POU6F2: variants seen among roughly 807,000 people sequenced by gnomAD.
POU6F2 encodes POU class 6 homeobox 2, also known as POU domain, class 6, transcription factor 2.
Under a neutral mutation model 71.3 loss-of-function variants are expected in POU6F2, and 31 were observed. The observed-to-expected ratio is 0.43, with a 90% CI of 0.33 to 0.59. The LOEUF (loss-of-function observed/expected upper bound fraction) is 0.59, where lower values mean the gene tolerates loss of function less well. POU6F2 is among the 20% of genes least tolerant of loss of function. The pLI, the probability that POU6F2 is intolerant of heterozygous loss-of-function variation, is 0.04. For missense variants in POU6F2, 783 were observed against 856.8 expected, an observed-to-expected ratio of 0.91 and a Z score of 1.07; for synonymous variants, 347 against 355.7, an observed-to-expected ratio of 0.98 and a Z score of 0.27.
At chr7:39,182,862 G>C (rs539498835) in intron 2 of POU6F2, among the ~76,000 whole-genome samples, 2 of 152,130 alleles carry the variant, frequency 1.3e-5, no homozygotes, top group Non-Finnish European at 2.9e-5. Context: ...ATCAGAGTCC[G>C]ATAGGCACTT....
At chr7:39,256,382 G>A (rs1362124472) in intron 4 of POU6F2, among the ~76,000 whole-genome samples, 5 of 152,164 alleles carry the variant, frequency 3.3e-5, no homozygotes, top group African/African-American at 1.2e-4. Flanking sequence ...CAGGCTGGGG[G>A]AAAAAGAGGG....
chr7:39,260,924 C>T (rs747747171), intron 4 of POU6F2, among the ~76,000 whole-genome samples: 3 of 151,670 alleles, frequency 2.0e-5, no homozygotes, highest in Non-Finnish European at 2.9e-5. Context: ...ATATTATACA[C>T]ATCTCACACA....
intron 2 of POU6F2, among the ~76,000 whole-genome samples, chr7:39,136,777 C>T (rs1297438807): frequency 2.0e-5 from 3 of 150,880 alleles, no homozygotes; most frequent in Non-Finnish European, 4.4e-5. Context: ...GAGGATCACT[C>T]GAGACCAAGA....
intron 4 of POU6F2, among the ~76,000 whole-genome samples, chr7:39,222,225 G>A (rs991881958): frequency 6.6e-6 from 1 of 152,058 alleles, no homozygotes; most frequent in African/African-American, 2.4e-5. Context: ...TCCACAAAGG[G>A]TATTTGCAGA....
At chr7:38,984,632 G>A (rs1788416251) in intron 1 of POU6F2, among the ~76,000 whole-genome samples, 1 of 152,104 alleles carries the variant, frequency 6.6e-6, no homozygotes, top group South Asian at 2.1e-4. Flanking sequence ...TGCTTGTGCT[G>A]TACACAAATT....
chr7:39,374,913 C>T (rs1786681844), intron 5 of POU6F2, among the ~76,000 whole-genome samples: 1 of 152,158 alleles, frequency 6.6e-6, no homozygotes, highest in Admixed American at 6.5e-5. Context: ...GTAAAAAATT[C>T]TCTTATTACT....
At chr7:38,978,972 A>C (rs748292741) in intron 1 of POU6F2, among the ~76,000 whole-genome samples, 3 of 152,138 alleles carry the variant, frequency 2.0e-5, no homozygotes, top group Non-Finnish European at 4.4e-5. Context: ...TTGTATTTTC[A>C]TTTGCCTTCA....
intron 4 of POU6F2, among the ~76,000 whole-genome samples, chr7:39,243,004 A>G (rs1245026292): frequency 6.6e-6 from 1 of 152,158 alleles, no homozygotes; most frequent in Non-Finnish European, 1.5e-5. Flanking sequence ...TACTGTCCTC[A>G]TAGAAGTACC....
At chr7:39,161,316 A>G (rs1792993233) in intron 2 of POU6F2, among the ~76,000 whole-genome samples, 1 of 152,202 alleles carries the variant, frequency 6.6e-6, no homozygotes, top group South Asian at 2.1e-4. Context: ...ATTTACATGC[A>G]TCTCATTGAA....
intron 2 of POU6F2, among the ~76,000 whole-genome samples, chr7:39,142,603 C>T (rs1792526774): frequency 6.6e-6 from 1 of 152,072 alleles, no homozygotes; most frequent in Non-Finnish European, 1.5e-5. Flanking sequence ...ACTTCATAAA[C>T]CTTTGATTTT....
At chr7:39,045,502 A>G (rs535310327) in intron 1 of POU6F2, among the ~76,000 whole-genome samples, 2 of 150,054 alleles carry the variant, frequency 1.3e-5, no homozygotes, top group South Asian at 2.1e-4. Context: ...CTTCCCTTCT[A>G]GTATTATTTG....
At chr7:39,207,267 T>C in intron 3 of POU6F2, 125 bp from the exon 4 acceptor site, 4 of 804,930 alleles carry the variant, frequency 5.0e-6, no homozygotes, top group Non-Finnish European at 5.7e-6. Context: ...TTTAATGAGA[T>C]AGGGCATGTT....
At chr7:39,265,238 C>T (rs1307779704) in intron 4 of POU6F2, among the ~76,000 whole-genome samples, 1 of 152,154 alleles carries the variant, frequency 6.6e-6, no homozygotes, top group Non-Finnish European at 1.5e-5. Context: ...TCCCCCAGGT[C>T]TGGGGTGAAG....
chr7:39,015,995 T>G (rs1426264450), intron 1 of POU6F2, among the ~76,000 whole-genome samples: 1 of 40,198 alleles, frequency 2.5e-5, no homozygotes, highest in Non-Finnish European at 4.8e-5. Flanking sequence ...ATATATAATA[T>G]ATAGATATAT....
At chr7:39,231,879 C>T (rs1794583359) in intron 4 of POU6F2, among the ~76,000 whole-genome samples, 2 of 152,222 alleles carry the variant, frequency 1.3e-5, no homozygotes, top group South Asian at 4.2e-4. Flanking sequence ...AGTTGAAATG[C>T]CCTAATTAAT....
At chr7:39,287,876 G>A (rs1403555231) in intron 4 of POU6F2, among the ~76,000 whole-genome samples, 2 of 115,792 alleles carry the variant, frequency 1.7e-5, no homozygotes, top group Admixed American at 2.2e-4. Flanking sequence ...GACGGTATAC[G>A]CAGCACCCAG....
intron 7 of POU6F2, among the ~76,000 whole-genome samples, chr7:39,436,938 T>C (rs955925435): frequency 1.3e-5 from 2 of 152,234 alleles, no homozygotes; most frequent in Non-Finnish European, 2.9e-5. Flanking sequence ...TTCATTTGCA[T>C]ATGTTGAACC....
intron 2 of POU6F2, among the ~76,000 whole-genome samples, chr7:39,088,959 A>G (rs1037700908): frequency 1.3e-5 from 2 of 152,186 alleles, no homozygotes; most frequent in Non-Finnish European, 2.9e-5. Flanking sequence ...TGGGCCTTTT[A>G]TGCCTCTCCT....
At chr7:39,009,940 G>T (rs1469758889) in intron 1 of POU6F2, among the ~76,000 whole-genome samples, 3 of 151,858 alleles carry the variant, frequency 2.0e-5, no homozygotes, top group Admixed American at 6.6e-5. Context: ...TTTTATTGAG[G>T]ATTTTTGCAT....
Sources: allele counts gnomAD v4.1 joint callset (sites outside exome capture counted in the v4.1 genomes callset), GRCh38; gene constraint gnomAD v4.1.1; transcripts MANE v1.5; gene names NCBI Gene and HGNC (gene_info 2026-07-23, HGNC 2026-07-21).